PGAM2: variants seen among roughly 807,000 people sequenced by gnomAD.
PGAM2 encodes phosphoglycerate mutase 2.
A neutral mutation model predicts 22.5 loss-of-function variants in PGAM2; 23 were observed. The observed-to-expected ratio is 1.02, with a 90% CI of 0.74 to 1.45. The LOEUF is 1.45. Among genes scored for constraint, PGAM2 ranks in the 40% most tolerant of loss-of-function variants. PGAM2 has a pLI of 0.00. For synonymous variants in PGAM2, 133 were observed against 138.6 expected, an observed-to-expected ratio of 0.96 and a Z score of 0.29; for missense variants, 349 against 356.2, an observed-to-expected ratio of 0.98 and a Z score of 0.16.
rs1285727621 is a variant in PGAM2 at position 44,065,410 on chromosome 7, C to G, written c.120G>C (p.Arg40=). Reference sequence around the variant, plus strand: ...TGGCATCCTTGATGGCCTTGGCTCCCCGCTTGGCCTCCTCGGTCCCCTTTT... The same window carrying G: ...TGGCATCCTTGATGGCCTTGGCTCCGCGCTTGGCCTCCTCGGTCCCCTTTT... ...LSEKGTEEAK[R]GAKAIKDAKM... Residue 40 remains arginine, a synonymous_variant, in exon 1 of 3, where the codon CGG becomes CGC. Coordinates refer to ENST00000297283, the MANE Select transcript of PGAM2 (RefSeq NM_000290.4). The G allele has an allele frequency of 6.2e-7, 1 of 1,614,024 alleles. No individual in the cohort carries two copies.
chr7:44,065,342 G>T lies in PGAM2; in HGVS notation c.188C>A (p.Ala63Asp). The stretch of plus-strand genomic sequence containing the variant: ...CAGGATGGCCCAGAGGGTGCGGATG[G>T]CCCGCTTCAGCACTGACGTGTAGCA... ...DICYTSVLKR[A>D]IRTLWAILDG... The change falls in exon 1 of 3, where the codon GCC becomes GAC. Residue 63 changes from alanine to aspartate, a missense_variant. By Grantham distance (126) the Ala-to-Asp change is moderately radical. Coordinates refer to ENST00000297283, the MANE Select transcript of PGAM2 (RefSeq NM_000290.4). 6.2e-7 allele frequency: 1 copy of T among 1,613,694 alleles called. No individual in the cohort carries two copies.
In PGAM2 at chr7:44,065,206, C is replaced by T. The variant is rs112828964; in HGVS notation, c.324G>A (p.Gly108=). The T allele has an allele frequency of 5.0e-3, 8,019 of 1,614,048 alleles. 368 individuals carry two copies. The African/African-American group carries it at 0.095, about 19-fold the overall frequency. ...LNKAETAAKH[G]EEQVKIWRRS... Reference sequence around the variant, plus strand: ...GCCTCCAGATCTTCACCTGCTCCTCCCCGTGCTTGGCGGCCGTTTCTGCCT... The same window carrying T: ...GCCTCCAGATCTTCACCTGCTCCTCTCCGTGCTTGGCGGCCGTTTCTGCCT... The change falls in exon 1 of 3, where the codon GGG becomes GGA. Residue 108 remains glycine (G), a synonymous_variant. Coordinates refer to ENST00000297283, the MANE Select transcript of PGAM2 (RefSeq NM_000290.4).
rs138483013 is a variant in PGAM2, at chr7:44,063,359, A to G, written c.596-429T>C. The G allele has an allele frequency of 6.9e-3, 1,732 of 250,338 alleles. 41 individuals are homozygous for G. Among genetic ancestry groups the G allele is most frequent in the African/African-American group, 0.037 (1,638 of 44,318 alleles). The allele number at this position is 250,338 out of a possible 1,614,324, so 15.5% of individuals were successfully genotyped here. ...GAGTGCAGTGGCACGATCTTGGCTC[A>G]CTGCAACCTCCATCTCCTGGGTTGA... is the stretch of plus-strand genomic sequence containing the variant. On this transcript the variant is annotated intron_variant, in intron 2 of 2. Coordinates refer to ENST00000297283, the MANE Select transcript of PGAM2 (RefSeq NM_000290.4).
chr7:44,065,567 C>T lies in PGAM2; in HGVS notation c.-38G>A, dbSNP rs1321406757. The T allele has an allele frequency of 1.4e-5, 23 of 1,595,400 alleles. No homozygotes were observed. Among genetic ancestry groups the T allele is most frequent in the South Asian group, 9.9e-5 (9 of 90,724 alleles). Reference sequence around the variant, plus strand: ...GACCACAGAGGACTCTGGACGGGGACGGCTGCTTCCCAACACTCCCAGCTT... The same window carrying T: ...GACCACAGAGGACTCTGGACGGGGATGGCTGCTTCCCAACACTCCCAGCTT... On this transcript the variant is annotated 5_prime_UTR_variant, in exon 1 of 3. Transcript: ENST00000297283.
Position 44,064,922 on chromosome 7 carries a change from C to T in PGAM2, c.505G>A (p.Glu169Lys), listed in dbSNP as rs758149782. Residue 169 changes from glutamate to lysine, a missense_variant, in exon 2 of 3, where the codon GAG (glutamate) becomes AAG (lysine). Glu to Lys is a moderately conservative substitution (Grantham distance 56). Coordinates refer to ENST00000297283, the MANE Select transcript of PGAM2 (RefSeq NM_000290.4). Reference sequence around the variant, plus strand: ...GCCTTGATCTGGGGAACAATCTCCTCGTTCCAGAAGGGCAGGGCCCGGGCA... The same window carrying T: ...GCCTTGATCTGGGGAACAATCTCCTTGTTCCAGAAGGGCAGGGCCCGGGCA... Reference protein sequence around the residue: ...TIARALPFWNEEIVPQIKAGK... With the variant: ...TIARALPFWNKEIVPQIKAGK... 9.9e-6 allele frequency: 16 copies of T among 1,611,030 alleles called. No homozygotes were observed. Among genetic ancestry groups the T allele is most frequent in the Admixed American group, 1.7e-5 (1 of 59,852 alleles).
chr7:44,064,532 C>T (rs2096155306), intron 2 of PGAM2: 1 of 454,976 alleles, frequency 2.2e-6, no homozygotes. Context: ...GCTCTAAGCC[C>T]AGCCCTTCCG....
chr7:44,063,031 G>T, intron 2 of PGAM2, 101 bp from the exon 3 acceptor site: 1 of 1,275,426 alleles, frequency 7.8e-7, no homozygotes. Context: ...AGTTCCCCTG[G>T]CACCAATTCC....
At chr7:44,063,157 C>T (rs760424587) in intron 2 of PGAM2, 1 of 582,408 alleles carries the variant, frequency 1.7e-6, no homozygotes, top group Non-Finnish European at 3.1e-6. Context: ...GACTTCAGCC[C>T]CACCCAAGTG....
chr7:44,062,749 G>T lies in PGAM2; in HGVS notation c.*15C>A. ...GGCTGTTGGGGGAGGTGCCTTTATT[G>T]CCCAAGCCCACCCCTCACTTGGCCT... On this transcript the variant is annotated 3_prime_UTR_variant, in exon 3 of 3. Coordinates refer to ENST00000297283, the MANE Select transcript of PGAM2 (RefSeq NM_000290.4). 6.2e-7 allele frequency: 1 copy of T among 1,613,634 alleles called. No individual in the cohort carries two copies. Among genetic ancestry groups the T allele is most frequent in the South Asian group, 1.1e-5 (1 of 91,050 alleles).
chr7:44,064,793 G>GGCCCCCCCCCCCCC, intron 2 of PGAM2, 39 bp downstream of exon 2: 17 of 1,136,888 alleles, frequency 1.5e-5, no homozygotes, highest in East Asian at 2.5e-5. Context: ...TGGGGCTGCT[G>GGCCCCCCCCCCCCC]CCCACCCACC....
chr7:44,064,286 C>T (rs1191922136), intron 2 of PGAM2: 1 of 184,164 alleles, frequency 5.4e-6, no homozygotes, highest in Admixed American at 5.4e-5. Flanking sequence ...GTCCTGCACC[C>T]CTCTTTTGAT....
In PGAM2 at chr7:44,062,862, T is replaced by A. The variant is rs766323932; in HGVS notation, c.664A>T (p.Lys222Ter). Residue 222 changes from lysine (K) to a stop codon, truncating the protein, a stop_gained, in exon 3 of 3, where the codon AAG (lysine) becomes TAG (stop). Transcript: ENST00000297283. LOFTEE classifies it high-confidence loss of function. Reference protein sequence around the residue: ...TGIPIVYELNKELKPTKPMQF... With the variant: ...TGIPIVYELN ...ATGGGCTTGGTGGGCTTCAGCTCCTTGTTCAGCTCATACACAATGGGGATC... is the reference window on the plus strand; with the variant it reads ...ATGGGCTTGGTGGGCTTCAGCTCCTAGTTCAGCTCATACACAATGGGGATC... The A allele has an allele frequency of 6.2e-7, 1 of 1,614,200 alleles. No homozygotes were observed. Among genetic ancestry groups the A allele is most frequent in the Non-Finnish European group, 8.5e-7 (1 of 1,180,024 alleles).
intron 2 of PGAM2, 33 bp downstream of exon 2, chr7:44,064,799 C>CCCCGCGCCAGAAAGTGGGCG: frequency 8.2e-7 from 1 of 1,212,908 alleles, no homozygotes; most frequent in Non-Finnish European, 1.2e-6. Context: ...TGCTGCCCAC[C>CCCCGCGCCAGAAAGTGGGCG]CACCCTGCCC....
chr7:44,063,037 A>G, intron 2 of PGAM2, 107 bp from the exon 3 acceptor site: 2 of 1,195,296 alleles, frequency 1.7e-6, no homozygotes, highest in Non-Finnish European at 2.5e-6. Context: ...CCTGGCACCA[A>G]TTCCTTCCCA....
intron 2 of PGAM2, chr7:44,064,065 C>T (rs1322714817): frequency 6.6e-6 from 1 of 152,536 alleles, no homozygotes; most frequent in African/African-American, 2.4e-5. Context: ...GGGGCACACC[C>T]TTCTAGCCTT....
chr7:44,064,390 G>A (rs1462692264), intron 2 of PGAM2: 3 of 229,650 alleles, frequency 1.3e-5, no homozygotes, highest in African/African-American at 4.6e-5. Flanking sequence ...AGGGCCCTGC[G>A]AGGGGTCCAA....
chr7:44,065,112 C>T lies in PGAM2; in HGVS notation c.414+4G>A, dbSNP rs2096156972. On this transcript the variant is annotated splice_donor_region_variant and intron_variant, in intron 1 of 2. Transcript: ENST00000297283. ...CAGAGGCCTTCCCAGCAAAGGCAGCCCACCTTGCTAATGGAGTTGTAGTAG... is the reference window on the plus strand; with the variant it reads ...CAGAGGCCTTCCCAGCAAAGGCAGCTCACCTTGCTAATGGAGTTGTAGTAG... 1 of 1,613,690 alleles carries T rather than the reference C, an allele frequency of 6.2e-7. No homozygotes were observed. Among genetic ancestry groups the T allele is most frequent in the Non-Finnish European group, 8.5e-7 (1 of 1,180,028 alleles).
At position 44,064,804 on chromosome 7, in the gene PGAM2, C is replaced by A; in HGVS notation, c.595+28G>T. The A allele has an allele frequency of 2.8e-6, 4 of 1,437,740 alleles. No homozygotes were observed. The South Asian group carries it at 3.6e-5, about 13-fold the overall frequency. 89.1% of individuals were successfully genotyped at this position (1,437,740 alleles called of 1,614,324 possible). A position where few individuals can be genotyped will look rare whatever the true frequency, so the allele number is the denominator to read the frequency against. On this transcript the variant is annotated intron_variant, in intron 2 of 2. Transcript: ENST00000297283. ...CAGCTGGGGCTGCTGCCCACCCACC[C>A]TGCCCAGGCTCCTGAAGGTGGCCTC...
chr7:44,065,393 T>C lies in PGAM2; in HGVS notation c.137A>G (p.Lys46Arg). Residue 46 changes from lysine to arginine, a missense_variant, in exon 1 of 3, where the codon AAG (lysine) becomes AGG (arginine). Coordinates refer to ENST00000297283, the MANE Select transcript of PGAM2 (RefSeq NM_000290.4). ...EEAKRGAKAI[K>R]DAKMEFDICY... is the part of the protein sequence containing the mutation. ...GATGTCAAACTCCATCTTGGCATCCTTGATGGCCTTGGCTCCCCGCTTGGC... is the reference window on the plus strand; with the variant it reads ...GATGTCAAACTCCATCTTGGCATCCCTGATGGCCTTGGCTCCCCGCTTGGC... The C allele has an allele frequency of 6.2e-7, 1 of 1,614,144 alleles. No homozygotes were observed. Among genetic ancestry groups the C allele is most frequent in the Non-Finnish European group, 8.5e-7 (1 of 1,180,044 alleles).
Sources: gnomAD v4.1 joint callset for allele counts on GRCh38, gnomAD v4.1.1 for gene constraint, MANE v1.5 for transcripts, NCBI Gene and HGNC (gene_info 2026-07-23, HGNC 2026-07-21) for gene names.